The following FILIP1L variants were observed in gnomAD, a reference collection of about 807,000 sequenced individuals.
FILIP1L encodes filamin A-interacting protein 1-like.
A neutral mutation model predicts 96.6 loss-of-function variants in FILIP1L; 55 were observed. The observed-to-expected ratio is 0.57, with a 90% CI of 0.46 to 0.71. The LOEUF (loss-of-function observed/expected upper bound fraction) is 0.71, where lower values mean the gene tolerates loss of function less well. Among genes scored for constraint, FILIP1L ranks in the 30% least tolerant of loss-of-function variants. The pLI is 0.00. For synonymous variants in FILIP1L, 467 were observed against 473.9 expected, an observed-to-expected ratio of 0.99 and a Z score of 0.19; for missense variants, 1,304 against 1,321.2, an observed-to-expected ratio of 0.99 and a Z score of 0.20.
At chr3:100,082,188 C>A (rs2065943087) in intron 1 of FILIP1L, among the ~76,000 whole-genome samples, 1 of 152,110 alleles carries the variant, frequency 6.6e-6, no homozygotes, top group South Asian at 2.1e-4. Context: ...AAACCAAGAA[C>A]ATTATTGCTA....
intron 1 of FILIP1L, among the ~76,000 whole-genome samples, chr3:100,087,246 T>C (rs371564197): frequency 1.4e-4 from 22 of 152,388 alleles, no homozygotes; most frequent in African/African-American, 5.3e-4. Context: ...TGTAAATGAA[T>C]GTTTAGCATC....
chr3:99,925,107 A>G (rs568194033), intron 3 of FILIP1L, among the ~76,000 whole-genome samples: 3 of 152,266 alleles, frequency 2.0e-5, no homozygotes, highest in East Asian at 1.9e-4. Context: ...AGCCCACCCT[A>G]TAGTTCTCTG....
At chr3:99,865,166 T>C (rs1944452311) in intron 4 of FILIP1L, among the ~76,000 whole-genome samples, 1 of 152,182 alleles carries the variant, frequency 6.6e-6, no homozygotes, top group Non-Finnish European at 1.5e-5. Flanking sequence ...CCATGTACCG[T>C]GTTAGTCCTG....
In FILIP1L at chr3:99,930,722, C is replaced by G. The variant is rs1295455704; in HGVS notation, c.252+47G>C. On this transcript the variant is annotated intron_variant, in intron 2 of 5. Transcript: ENST00000477258. ...GCAGCAGGAACACCAAATTCACAAG[C>G]AGCCTTCTGTTTGAAGCATGATGGG... The G allele has an allele frequency of 8.8e-6, 14 of 1,597,196 alleles. No homozygotes were observed. In the Admixed American group the frequency reaches 2.4e-4, roughly 27 times the overall value.
chr3:100,097,765 G>A (rs1308966228), intron 1 of FILIP1L, among the ~76,000 whole-genome samples: 1 of 152,142 alleles, frequency 6.6e-6, no homozygotes, highest in Non-Finnish European at 1.5e-5. Context: ...ATATCACAAA[G>A]ACTACTTGGT....
chr3:99,906,332 G>A (rs1424566932), intron 4 of FILIP1L, among the ~76,000 whole-genome samples: 1 of 152,026 alleles, frequency 6.6e-6, no homozygotes, highest in Non-Finnish European at 1.5e-5. Flanking sequence ...TTCTCTTTAA[G>A]GCCCCTTCAA....
At chr3:99,916,982 G>A (rs1706973480) in intron 4 of FILIP1L, among the ~76,000 whole-genome samples, 1 of 152,112 alleles carries the variant, frequency 6.6e-6, no homozygotes, top group Non-Finnish European at 1.5e-5. Flanking sequence ...TCACTTATGA[G>A]GCAAAAATTT....
At chr3:99,985,565 G>T (rs917239301) in intron 1 of FILIP1L, among the ~76,000 whole-genome samples, 14 of 151,872 alleles carry the variant, frequency 9.2e-5, no homozygotes, top group Non-Finnish European at 1.9e-4. Context: ...CTTCAATCTT[G>T]TGAATTTCTT....
chr3:99,982,504 C>A (rs1433473495), intron 1 of FILIP1L, among the ~76,000 whole-genome samples: 1 of 152,056 alleles, frequency 6.6e-6, no homozygotes, highest in East Asian at 1.9e-4. Context: ...CCACGCCCAG[C>A]TAATTTTTTT....
intron 4 of FILIP1L, among the ~76,000 whole-genome samples, chr3:99,902,187 A>G (rs1039758854): frequency 6.6e-6 from 1 of 152,204 alleles, no homozygotes; most frequent in Non-Finnish European, 1.5e-5. Context: ...ACTGACTCTT[A>G]GTATTCGAGA....
At chr3:99,839,331 A>G (rs917811912) in intron 5 of FILIP1L, among the ~76,000 whole-genome samples, 1 of 152,256 alleles carries the variant, frequency 6.6e-6, no homozygotes, top group Admixed American at 6.5e-5. Flanking sequence ...AATAATGAGC[A>G]ATATTGCATG....
At chr3:100,043,776 A>T (rs183556133) in intron 1 of FILIP1L, among the ~76,000 whole-genome samples, 1 of 152,264 alleles carries the variant, frequency 6.6e-6, no homozygotes, top group African/African-American at 2.4e-5. Context: ...TAGTTAACAT[A>T]TCCATCACCT....
rs377151813 is a variant in FILIP1L, at chr3:99,848,816, T to C, written c.2860A>G (p.Ile954Val). ...QRITILQNASITPVKSKTSTE... is the reference protein window; with the variant it reads ...QRITILQNASVTPVKSKTSTE... ...GAGGTTTTGGACTTTACTGGTGTTA[T>C]GGAGGCGTTTTGGAGGATGGTTATC... Residue 954 changes from isoleucine (I) to valine (V), a missense_variant, in exon 5 of 6, where the codon ATA becomes GTA. Transcript: ENST00000477258. The C allele has an allele frequency of 5.0e-6, 8 of 1,614,070 alleles. No homozygotes were observed. The South Asian group carries it at 6.6e-5, about 13-fold the overall frequency.
At chr3:99,888,041 G>T (rs1705966027) in intron 4 of FILIP1L, among the ~76,000 whole-genome samples, 1 of 152,098 alleles carries the variant, frequency 6.6e-6, no homozygotes, top group Non-Finnish European at 1.5e-5. Context: ...ACTGTGCCTG[G>T]CCTCCTGTTG....
chr3:100,009,878 G>A (rs1479720253), intron 1 of FILIP1L, among the ~76,000 whole-genome samples: 1 of 152,202 alleles, frequency 6.6e-6, no homozygotes, highest in Non-Finnish European at 1.5e-5. Flanking sequence ...AAATATGTAT[G>A]AGAGCCAAGT....
Position 99,828,967 on chromosome 3 carries a change from C to T in FILIP1L, c.*1447G>A, listed in dbSNP as rs570656376. On this transcript the variant is annotated 3_prime_UTR_variant, in exon 6 of 6. Coordinates refer to ENST00000477258, the MANE Select transcript of FILIP1L (RefSeq NM_001387850.1). ...ATCCCTCTCAATGCTGCCCATCATC[C>T]CTTTCAATGCTGCCCAGGCCTCTAG... Among the ~76,000 whole-genome samples the T allele has an allele frequency of 2.6e-5, 4 of 152,204 alleles. No homozygotes were observed. The East Asian group carries it at 7.7e-4, about 29-fold the overall frequency.
chr3:99,915,528 G>T (rs1004855179), intron 4 of FILIP1L, among the ~76,000 whole-genome samples: 3 of 151,972 alleles, frequency 2.0e-5, no homozygotes, highest in Admixed American at 1.3e-4. Flanking sequence ...TCTTGATTTC[G>T]CATATTTGGA....
chr3:99,841,044 T>C (rs1460842257), intron 5 of FILIP1L, among the ~76,000 whole-genome samples: 1 of 152,242 alleles, frequency 6.6e-6, no homozygotes, highest in Non-Finnish European at 1.5e-5. Context: ...CTCCATAATA[T>C]CTGCCCCAGT....
chr3:99,866,298 T>G (rs1371346515), intron 4 of FILIP1L, among the ~76,000 whole-genome samples: 5 of 152,142 alleles, frequency 3.3e-5, no homozygotes, highest in African/African-American at 9.7e-5. Context: ...GTTCACTGGT[T>G]TTCACCTCCT....
Sources: allele counts gnomAD v4.1 joint callset (sites outside exome capture counted in the v4.1 genomes callset), GRCh38; gene constraint gnomAD v4.1.1; transcripts MANE v1.5; gene names NCBI Gene and HGNC (gene_info 2026-07-23, HGNC 2026-07-21).